The following BCAS3 variants were observed in gnomAD, a reference collection of about 807,000 sequenced individuals.
The protein encoded by BCAS3 is BCAS3 microtubule associated cell migration factor.
In BCAS3, 53 loss-of-function variants were observed where a neutral mutation model predicts 116.1. The ratio of observed to expected loss-of-function variants is 0.46; its 90% CI spans 0.37 to 0.57. The LOEUF (loss-of-function observed/expected upper bound fraction) is 0.57. Among genes scored for constraint, BCAS3 ranks in the 20% least tolerant of loss-of-function variants. The pLI is 0.00. For missense variants in BCAS3, 917 were observed against 1,165.4 expected, an observed-to-expected ratio of 0.79 and a Z score of 3.10; for synonymous variants, 391 against 408.2, an observed-to-expected ratio of 0.96 and a Z score of 0.51.
chr17:61,368,500 G>A lies in BCAS3; in HGVS notation c.2593+6G>A, dbSNP rs547080567. 1.3e-6 allele frequency: 2 copies of A among 1,593,838 alleles called. No individual in the cohort carries two copies. The highest frequency in any genetic ancestry group is 1.3e-5 in the African/African-American group (1 of 74,622). Reference sequence around the variant, plus strand: ...CGTCGTGGGATCCGGAACAGGTAAAGGTGTCATCAGACTTCTAGCCTGATT... The same window carrying A: ...CGTCGTGGGATCCGGAACAGGTAAAAGTGTCATCAGACTTCTAGCCTGATT... On this transcript the variant is annotated splice_donor_region_variant and intron_variant, in intron 23 of 23. Transcript: ENST00000407086. The surrounding 1 kb of genome is among the most constrained non-coding windows in gnomAD (Gnocchi z 6.0).
At chr17:61,267,450 A>G (rs2049833356) in intron 22 of BCAS3, among the ~76,000 whole-genome samples, 2 of 151,652 alleles carry the variant, frequency 1.3e-5, no homozygotes, top group Admixed American at 1.3e-4. Context: ...AGAAAAAACT[A>G]ATTTAGGCCA....
chr17:60,789,413 G>A (rs2046562757), intron 6 of BCAS3, among the ~76,000 whole-genome samples: 1 of 152,106 alleles, frequency 6.6e-6, no homozygotes, highest in Non-Finnish European at 1.5e-5. Flanking sequence ...GCGTGGGAGA[G>A]GAGTTGGTGA....
intron 10 of BCAS3, among the ~76,000 whole-genome samples, chr17:60,898,473 TA>T (rs531161949): frequency 2.9e-3 from 439 of 152,210 alleles, no homozygotes; most frequent in Non-Finnish European, 4.4e-3. Flanking sequence ...TATACATCAT[TA>T]GGGGTATTTA....
intron 5 of BCAS3, among the ~76,000 whole-genome samples, chr17:60,739,956 A>G (rs1018564845): frequency 3.3e-5 from 5 of 152,030 alleles, no homozygotes; most frequent in African/African-American, 1.2e-4. Flanking sequence ...GGAAAAGGCA[A>G]TGTAATTCTT....
In BCAS3 at chr17:61,217,097, C is replaced by T. The variant is rs866274751; in HGVS notation, c.2425+132533C>T. On this transcript the variant is annotated intron_variant, in intron 22 of 23. Coordinates refer to ENST00000407086, the MANE Select transcript of BCAS3 (RefSeq NM_017679.5). The surrounding 1 kb of genome is among the most constrained non-coding windows in gnomAD (Gnocchi z 5.2). ...GAGATCGAGACCATCCTGGCTAACA[C>T]GGTGAAACCCCGTCTCTACTAAAAA... is the stretch of plus-strand genomic sequence containing the variant. 1.3e-5 allele frequency among the ~76,000 whole-genome samples: 2 copies of T among 151,206 alleles called. No homozygotes were observed. Among genetic ancestry groups the T allele is most frequent in the Non-Finnish European group, 2.9e-5 (2 of 67,858 alleles).
At chr17:61,117,738 G>A (rs2075559012) in intron 22 of BCAS3, among the ~76,000 whole-genome samples, 1 of 152,114 alleles carries the variant, frequency 6.6e-6, no homozygotes, top group South Asian at 2.1e-4. Flanking sequence ...GCAAAATTAA[G>A]CAGAAGGTGG....
At chr17:61,091,910 A>G (rs892940530) in intron 22 of BCAS3, among the ~76,000 whole-genome samples, 4 of 152,206 alleles carry the variant, frequency 2.6e-5, no homozygotes, top group Non-Finnish European at 5.9e-5. Flanking sequence ...TGGGTATAGC[A>G]AAAATGCATG....
At chr17:61,078,818 A>G (rs1411054800) in intron 21 of BCAS3, among the ~76,000 whole-genome samples, 1 of 152,080 alleles carries the variant, frequency 6.6e-6, no homozygotes, top group Non-Finnish European at 1.5e-5. Context: ...TATATTTCTA[A>G]CTGCTTGAAT....
rs1427480404 is a variant in BCAS3 at position 61,332,684 on chromosome 17, C to T, written c.2426-35643C>T. Among the ~76,000 whole-genome samples, 3 of 152,218 alleles carry T rather than the reference C, an allele frequency of 2.0e-5. No individual in the cohort carries two copies. Among genetic ancestry groups the T allele is most frequent in the East Asian group, 3.9e-4 (2 of 5,178 alleles). ...AGGCTGGAGTGCAATGGCATGATCT[C>T]GGCTCATAGCAGCCTCCACCTCCCA... On this transcript the variant is annotated intron_variant, in intron 22 of 23. Coordinates refer to ENST00000407086, the MANE Select transcript of BCAS3 (RefSeq NM_017679.5). The surrounding 1 kb of genome is among the most constrained non-coding windows in gnomAD (Gnocchi z 5.4).
intron 12 of BCAS3, among the ~76,000 whole-genome samples, chr17:60,920,818 C>T (rs1336079368): frequency 1.3e-5 from 2 of 151,798 alleles, no homozygotes; most frequent in Non-Finnish European, 2.9e-5. Flanking sequence ...TGCAGTGAAC[C>T]GAGATCATGC....
At chr17:60,941,062 G>A (rs1366195246) in intron 13 of BCAS3, among the ~76,000 whole-genome samples, 1 of 152,212 alleles carries the variant, frequency 6.6e-6, no homozygotes, top group South Asian at 2.1e-4. Context: ...TTTGGAGAAC[G>A]CTGTGTACCA....
chr17:61,034,542 G>T lies in BCAS3; in HGVS notation c.1638-124G>T. 2.4e-6 allele frequency: 2 copies of T among 828,546 alleles called. No individual in the cohort carries two copies. Among genetic ancestry groups the T allele is most frequent in the South Asian group, 4.1e-5 (2 of 48,650 alleles). 51.3% of individuals were successfully genotyped at this position (828,546 alleles called of 1,614,324 possible). A position where few individuals can be genotyped will look rare whatever the true frequency, so the allele number is the denominator to read the frequency against. On this transcript the variant is annotated intron_variant, in intron 16 of 23. Transcript: ENST00000407086. This position sits in a 1 kb window ranked among gnomAD's most constrained non-coding sequence, Gnocchi z 5.0. Reference sequence around the variant, plus strand: ...CTCACATCACCATTTATTACTTAAGGCAAAATGCATGTTCATACTGGAGGA... The same window carrying T: ...CTCACATCACCATTTATTACTTAAGTCAAAATGCATGTTCATACTGGAGGA...
intron 22 of BCAS3, among the ~76,000 whole-genome samples, chr17:61,322,834 G>GAC (rs2055383353): frequency 3.0e-5 from 4 of 131,826 alleles, no homozygotes; most frequent in African/African-American, 1.0e-4. Context: ...GAGAGACAGA[G>GAC]AGAGAGAGAG....
intron 6 of BCAS3, among the ~76,000 whole-genome samples, chr17:60,765,821 A>T (rs2144381193): frequency 6.6e-6 from 1 of 152,292 alleles, no homozygotes. Flanking sequence ...TCGCTTTCAG[A>T]TACACCAATC....
chr17:61,279,091 C>T lies in BCAS3; in HGVS notation c.2426-89236C>T, dbSNP rs548896690. 1.3e-4 allele frequency among the ~76,000 whole-genome samples: 20 copies of T among 151,926 alleles called. No individual in the cohort carries two copies. Among genetic ancestry groups the T allele is most frequent in the African/African-American group, 4.6e-4 (19 of 41,436 alleles). The stretch of plus-strand genomic sequence containing the variant: ...CCTCTTGAGTAGCTGGGATTACAGG[C>T]ATGTGCCACCATGCCTGGCTAATTT... On this transcript the variant is annotated intron_variant, in intron 22 of 23. Transcript: ENST00000407086. The surrounding 1 kb of genome is among the most constrained non-coding windows in gnomAD (Gnocchi z 4.4).
At chr17:60,978,784 G>C (rs1252395600) in intron 14 of BCAS3, among the ~76,000 whole-genome samples, 47 of 147,668 alleles carry the variant, frequency 3.2e-4, no homozygotes, top group African/African-American at 1.0e-3. Context: ...GCTTGTTTTT[G>C]TCAGGTTTGT....
intron 7 of BCAS3, among the ~76,000 whole-genome samples, chr17:60,849,997 A>G (rs1038238073): frequency 2.0e-5 from 3 of 152,088 alleles, no homozygotes; most frequent in East Asian, 3.9e-4. Flanking sequence ...GGCTCAAGCA[A>G]TCATCTCACC....
chr17:60,847,698 T>C (rs1961672550), intron 7 of BCAS3, among the ~76,000 whole-genome samples: 1 of 152,202 alleles, frequency 6.6e-6, no homozygotes, highest in Admixed American at 6.5e-5. Flanking sequence ...AATGTTTGGC[T>C]TCTTGTTGAA....
At position 60,812,052 on chromosome 17, in the gene BCAS3, C is replaced by CAA. The variant is rs375054739; in HGVS notation, c.476+3990_476+3991dup. On this transcript the variant is annotated intron_variant, in intron 7 of 23. Transcript: ENST00000407086. ...TGGGTGACAGAGTGAGACCCAGTCT[C>CAA]AAAAAAAAAAAAAAAGTTCATAAGT... Among the ~76,000 whole-genome samples, 557 of 118,828 alleles carry CAA rather than the reference C, an allele frequency of 4.7e-3. 2 individuals are homozygous for CAA. The highest frequency in any genetic ancestry group is 0.015 in the African/African-American group (535 of 34,744). 78.0% of individuals were successfully genotyped at this position (118,828 alleles called of 152,430 possible). A position where few individuals can be genotyped will look rare whatever the true frequency, so the allele number is the denominator to read the frequency against.
Sources: allele counts gnomAD v4.1 joint callset (sites outside exome capture counted in the v4.1 genomes callset), GRCh38; gene constraint gnomAD v4.1.1; non-coding constraint Gnocchi (gnomAD v3.1); transcripts MANE v1.5; gene names NCBI Gene and HGNC (gene_info 2026-07-23, HGNC 2026-07-21).